Variants in DMBT1 observed in about 807,000 individuals in gnomAD.
DMBT1 encodes scavenger receptor cysteine-rich domain-containing protein DMBT1.
DMBT1 carries 198 observed loss-of-function variants against 252.9 expected under a neutral mutation model. The ratio of observed to expected loss-of-function variants is 0.78; its 90% CI spans 0.70 to 0.88. The LOEUF is 0.88. Ranked by LOEUF, DMBT1 falls within the 40% of genes least tolerant of loss-of-function variation. The pLI, the probability that DMBT1 is intolerant of heterozygous loss-of-function variation, is 0.00. For missense variants in DMBT1, 2,432 were observed against 2,404.7 expected, an observed-to-expected ratio of 1.01 and a Z score of -0.24; for synonymous variants, 990 against 942.7, an observed-to-expected ratio of 1.05 and a Z score of -0.92.
At chr10:122,592,954 A>G (rs1429502157) in intron 20 of DMBT1, among the ~76,000 whole-genome samples, 1 of 148,656 alleles carries the variant, frequency 6.7e-6, no homozygotes, top group African/African-American at 2.4e-5. Flanking sequence ...GTAGGGGAGG[A>G]ATCCTCTCAC....
chr10:122,599,799 C>A (rs928069566), intron 26 of DMBT1, among the ~76,000 whole-genome samples: 3 of 152,094 alleles, frequency 2.0e-5, no homozygotes, highest in Non-Finnish European at 4.4e-5. Flanking sequence ...CTAAGACGTG[C>A]AAGGGAGAGG....
At chr10:122,617,966 T>G in intron 40 of DMBT1, 51 bp from the exon 41 acceptor site, 1 of 1,606,572 alleles carries the variant, frequency 6.2e-7, no homozygotes, top group Non-Finnish European at 8.5e-7. Context: ...TTGCCTTAGA[T>G]TGTTGACCTC....
intron 26 of DMBT1, among the ~76,000 whole-genome samples, chr10:122,599,516 A>G (rs570628140): frequency 6.6e-6 from 1 of 152,328 alleles, no homozygotes; most frequent in African/African-American, 2.4e-5. Context: ...GCTGAGACCC[A>G]GTGAGGAGGT....
chr10:122,587,685 G>A (rs991000915), intron 16 of DMBT1, among the ~76,000 whole-genome samples: 1 of 148,618 alleles, frequency 6.7e-6, no homozygotes, highest in Non-Finnish European at 1.5e-5. Flanking sequence ...CCATCTACAT[G>A]CGGAAAGGCA....
chr10:122,631,915 A>T (rs2098168342), intron 50 of DMBT1, 40 bp downstream of exon 50: 1 of 1,606,940 alleles, frequency 6.2e-7, no homozygotes, highest in Non-Finnish European at 8.5e-7. Flanking sequence ...CCTGGTCTCC[A>T]GGTCTCTCCA....
Position 122,643,582 on chromosome 10 carries a change from G to A in DMBT1, c.*184G>A, listed in dbSNP as rs189300366. 2.3e-3 allele frequency: 1,949 copies of A among 854,046 alleles called. 6 individuals are homozygous for A. Among genetic ancestry groups the A allele is most frequent in the Non-Finnish European group, 3.0e-3 (1,729 of 569,446 alleles). The allele number at this position is 854,046 out of a possible 1,614,324, so 52.9% of individuals were successfully genotyped here. ...AAGGCTCATGGTCCTTGGAGGACCC[G>A]TTGCAGGGTGAGGTCAAGAGAGTTC... On this transcript the variant is annotated 3_prime_UTR_variant, in exon 56 of 56. Coordinates refer to ENST00000338354, the MANE Select transcript of DMBT1 (RefSeq NM_001377530.1).
chr10:122,574,618 T>C (rs2097695536), intron 6 of DMBT1, among the ~76,000 whole-genome samples: 1 of 152,240 alleles, frequency 6.6e-6, no homozygotes, highest in South Asian at 2.1e-4. Context: ...GGCTTTATTC[T>C]GACTTAGCCA....
At chr10:122,589,821 C>T (rs919005476) in intron 17 of DMBT1, among the ~76,000 whole-genome samples, 1 of 148,550 alleles carries the variant, frequency 6.7e-6, no homozygotes, top group East Asian at 2.1e-4. Flanking sequence ...AGAACTCACC[C>T]CTGATCAGGG....
chr10:122,617,306 A>G, intron 40 of DMBT1, 46 bp downstream of exon 40: 1 of 1,590,746 alleles, frequency 6.3e-7, no homozygotes, highest in Non-Finnish European at 8.6e-7. Context: ...ATCTCTGGAC[A>G]TATTTTGTGT....
At position 122,587,944 on chromosome 10, in the gene DMBT1, C is replaced by T. The variant is rs74863599; in HGVS notation, c.1784-1000C>T. On this transcript the variant is annotated intron_variant, in intron 16 of 55. Coordinates refer to ENST00000338354, the MANE Select transcript of DMBT1 (RefSeq NM_001377530.1). The stretch of plus-strand genomic sequence containing the variant: ...TAGGAGGGATTGGACTGGTCTCCAG[C>T]GAGGCCTATGTCCCTTCCTGAGCTT... Among the ~76,000 whole-genome samples the T allele has an allele frequency of 6.4e-3, 952 of 148,306 alleles. 182 individuals are homozygous for T. In the East Asian group the frequency reaches 0.16, roughly 25 times the overall value.
chr10:122,619,768 T>C (rs2098043711), intron 42 of DMBT1, among the ~76,000 whole-genome samples: 1 of 152,196 alleles, frequency 6.6e-6, no homozygotes, highest in South Asian at 2.1e-4. Flanking sequence ...GATACCTCCG[T>C]CCCTCACTCC....
At chr10:122,600,638 C>T (rs2097941971) in intron 27 of DMBT1, among the ~76,000 whole-genome samples, 2 of 152,194 alleles carry the variant, frequency 1.3e-5, no homozygotes, top group African/African-American at 4.8e-5. Context: ...CCCTGGGCAG[C>T]CCCTGGTTCC....
chr10:122,626,331 T>A (rs2098118728), intron 46 of DMBT1, among the ~76,000 whole-genome samples: 1 of 152,356 alleles, frequency 6.6e-6, no homozygotes, highest in South Asian at 2.1e-4. Flanking sequence ...TTTTCTGTGT[T>A]ATTAAATCTT....
chr10:122,642,896 A>G (rs2684736), intron 55 of DMBT1, among the ~76,000 whole-genome samples: 77,721 of 151,522 alleles, frequency 0.51, 22,378 homozygotes, highest in African/African-American at 0.79. Context: ...GAAAGCTCTC[A>G]CAGGCTTTGC....
At chr10:122,580,719 G>C in intron 10 of DMBT1, 147 bp from the exon 11 acceptor site, 1 of 1,248,686 alleles carries the variant, frequency 8.0e-7, no homozygotes, top group Non-Finnish European at 1.2e-6. Flanking sequence ...CATCTCTGTG[G>C]GGATGTGCAT....
chr10:122,623,306 C>T (rs559729693), intron 44 of DMBT1, among the ~76,000 whole-genome samples: 5 of 152,338 alleles, frequency 3.3e-5, no homozygotes, highest in Admixed American at 3.3e-4. Flanking sequence ...CATTTATCAG[C>T]TTATGGACAT....
intron 53 of DMBT1, among the ~76,000 whole-genome samples, chr10:122,636,632 GTCAC>G (rs1435136290): frequency 6.6e-6 from 1 of 152,170 alleles, no homozygotes; most frequent in East Asian, 1.9e-4. Context: ...CTGAGATAAG[GTCAC>G]TCAGACACTT....
At chr10:122,572,449 A>G (rs2097673441) in intron 5 of DMBT1, 88 bp downstream of exon 5, 15 of 1,552,534 alleles carry the variant, frequency 9.7e-6, no homozygotes, top group East Asian at 2.3e-5. Flanking sequence ...TGTAGAGGAC[A>G]TAGAAAGTAG....
chr10:122,627,334 T>C (rs1280376149), intron 46 of DMBT1, among the ~76,000 whole-genome samples: 1 of 152,094 alleles, frequency 6.6e-6, no homozygotes, highest in Non-Finnish European at 1.5e-5. Flanking sequence ...ATACATTCCA[T>C]ACACTGTATA....
Sources: gnomAD v4.1 joint callset for allele counts (sites outside exome capture counted in the v4.1 genomes callset) on GRCh38, gnomAD v4.1.1 for gene constraint, MANE v1.5 for transcripts, NCBI Gene and HGNC (gene_info 2026-07-23, HGNC 2026-07-21) for gene names.